Variants in NOVA1 observed in about 807,000 individuals in gnomAD.
NOVA1 encodes NOVA alternative splicing regulator 1.
A neutral mutation model predicts 38.0 loss-of-function variants in NOVA1; 7 were observed. That is an observed-to-expected ratio of 0.18 (90% CI 0.10 to 0.35). The LOEUF is 0.35. Among genes scored for constraint, NOVA1 ranks in the 10% least tolerant of loss-of-function variants. The pLI is 1.00. For synonymous variants in NOVA1, 270 were observed against 232.5 expected (o/e 1.16, Z -1.47); for missense variants, 460 against 616.0 (o/e 0.75, Z 2.68).
intron 2 of NOVA1, among the ~76,000 whole-genome samples, chr14:26,506,455 T>C (rs915061002): frequency 3.9e-5 from 6 of 152,318 alleles, no homozygotes; most frequent in Non-Finnish European, 5.9e-5. Flanking sequence ...TAAGGCCACA[T>C]TGCCAGAGTA....
intron 2 of NOVA1, among the ~76,000 whole-genome samples, chr14:26,578,085 A>C (rs1363677325): frequency 6.6e-6 from 1 of 152,098 alleles, no homozygotes; most frequent in Non-Finnish European, 1.5e-5. Context: ...TTCAAAAAGG[A>C]GACAGTGATC....
At chr14:26,574,281 G>A (rs7149192) in intron 2 of NOVA1, among the ~76,000 whole-genome samples, 5 of 29,638 alleles carry the variant, frequency 1.7e-4, no homozygotes, top group South Asian at 8.0e-4. Flanking sequence ...CCCCCCCCCC[G>A]CCCCCTCGGC....
chr14:26,460,611 A>G (rs1414871160), intron 4 of NOVA1, among the ~76,000 whole-genome samples: 3 of 152,100 alleles, frequency 2.0e-5, no homozygotes, highest in Admixed American at 6.6e-5. Context: ...GAATAAACAA[A>G]AATGATCAAT....
chr14:26,478,347 G>T (rs1375176914), intron 3 of NOVA1, among the ~76,000 whole-genome samples: 2 of 151,278 alleles, frequency 1.3e-5, no homozygotes, highest in Non-Finnish European at 3.0e-5. Flanking sequence ...TATTGTCAAT[G>T]GTATCATACT....
chr14:26,486,271 T>C (rs1885878616), intron 2 of NOVA1, among the ~76,000 whole-genome samples: 1 of 152,138 alleles, frequency 6.6e-6, no homozygotes, highest in Non-Finnish European at 1.5e-5. Context: ...TTTTCATATT[T>C]TTCCTCTTTT....
intron 3 of NOVA1, chr14:26,479,448 A>G (rs1885253067): frequency 6.6e-6 from 1 of 152,274 alleles, no homozygotes; most frequent in Non-Finnish European, 1.5e-5. Context: ...CATAAGTTAC[A>G]CAAAACACAG....
intron 2 of NOVA1, among the ~76,000 whole-genome samples, chr14:26,510,562 T>C (rs938102424): frequency 2.6e-5 from 4 of 152,098 alleles, no homozygotes; most frequent in African/African-American, 9.7e-5. Context: ...AAATGAGAAG[T>C]ACTGAGGGTT....
chr14:26,577,300 CT>C (rs1892916246), intron 2 of NOVA1, among the ~76,000 whole-genome samples: 1 of 152,076 alleles, frequency 6.6e-6, no homozygotes. Flanking sequence ...TATATCGATA[CT>C]GATATTTCTT....
chr14:26,542,422 A>G (rs1194418626), intron 2 of NOVA1, among the ~76,000 whole-genome samples: 1 of 151,842 alleles, frequency 6.6e-6, no homozygotes, highest in African/African-American at 2.4e-5. Context: ...AATTTCAGTA[A>G]TAAAGACTGC....
intron 2 of NOVA1, 138 bp from the exon 3 acceptor site, chr14:26,480,281 ATAT>A (rs1885355611): frequency 1.4e-6 from 1 of 699,704 alleles, no homozygotes; most frequent in African/African-American, 1.8e-5. Context: ...ACCACACGTA[ATAT>A]ATACATGTCT....
chr14:26,478,414 T>A (rs2138284336), intron 3 of NOVA1, among the ~76,000 whole-genome samples: 1 of 152,086 alleles, frequency 6.6e-6, no homozygotes, highest in Non-Finnish European at 1.5e-5. Context: ...TATCCCTAAA[T>A]GTTTGAATTT....
chr14:26,491,394 T>C (rs1219878014), intron 2 of NOVA1, among the ~76,000 whole-genome samples: 1 of 152,184 alleles, frequency 6.6e-6, no homozygotes, highest in Non-Finnish European at 1.5e-5. Context: ...TTCTGTAGGT[T>C]GTCTTTGTTA....
At chr14:26,549,752 A>C in intron 2 of NOVA1, 1 of 1,288,580 alleles carries the variant, frequency 7.8e-7, no homozygotes, top group Non-Finnish European at 1.0e-6. Context: ...GTACAGCACC[A>C]TGTACAATTT....
intron 2 of NOVA1, among the ~76,000 whole-genome samples, chr14:26,506,259 T>G (rs1947415990): frequency 6.6e-6 from 1 of 152,184 alleles, no homozygotes; most frequent in African/African-American, 2.4e-5. Flanking sequence ...GTTAAGAATT[T>G]ATAGAATTTT....
At chr14:26,547,429 A>G (rs1461054899) in intron 2 of NOVA1, among the ~76,000 whole-genome samples, 1 of 152,180 alleles carries the variant, frequency 6.6e-6, no homozygotes, top group Non-Finnish European at 1.5e-5. Context: ...TATTCAATAA[A>G]AAGTTCCCAT....
At chr14:26,561,653 G>GT (rs970909311) in intron 2 of NOVA1, among the ~76,000 whole-genome samples, 9 of 152,104 alleles carry the variant, frequency 5.9e-5, no homozygotes, top group African/African-American at 2.2e-4. Flanking sequence ...ATTGAACATA[G>GT]TTTTTTTAAA....
At chr14:26,582,348 C>T (rs1010643292) in intron 2 of NOVA1, among the ~76,000 whole-genome samples, 1 of 151,594 alleles carries the variant, frequency 6.6e-6, no homozygotes, top group East Asian at 1.9e-4. Context: ...CAGTAAAACC[C>T]TTGGATAAAA....
chr14:26,556,599 G>A (rs866198278), intron 2 of NOVA1, among the ~76,000 whole-genome samples: 3 of 152,138 alleles, frequency 2.0e-5, no homozygotes, highest in Non-Finnish European at 2.9e-5. Flanking sequence ...GCTTGATAAT[G>A]ATGTTTTAGA....
At chr14:26,491,402 T>C (rs977852352) in intron 2 of NOVA1, among the ~76,000 whole-genome samples, 2 of 152,306 alleles carry the variant, frequency 1.3e-5, no homozygotes, top group Admixed American at 1.3e-4. Flanking sequence ...GTTGTCTTTG[T>C]TAATGTCCTT....
Sources: allele counts gnomAD v4.1 joint callset (sites outside exome capture counted in the v4.1 genomes callset), GRCh38; gene constraint gnomAD v4.1.1; transcripts MANE v1.5; gene names NCBI Gene and HGNC (gene_info 2026-07-23, HGNC 2026-07-21).